CCDC102B: variants seen among roughly 807,000 people sequenced by gnomAD.
The protein encoded by CCDC102B is coiled-coil domain-containing protein 102B.
CCDC102B carries 75 observed loss-of-function variants against 57.4 expected under a neutral mutation model. The ratio of observed to expected loss-of-function variants is 1.31; its 90% CI spans 1.08 to 1.58. CCDC102B has a LOEUF of 1.58. CCDC102B is among the 40% of genes most tolerant of loss of function. CCDC102B has a pLI of 0.00. For missense variants in CCDC102B, 636 were observed against 582.6 expected (o/e 1.09, Z -0.94); for synonymous variants, 206 against 201.9 (o/e 1.02, Z -0.17).
intron 2 of CCDC102B, among the ~76,000 whole-genome samples, chr18:68,746,243 T>G (rs916941500): frequency 1.3e-5 from 2 of 152,212 alleles, no homozygotes; most frequent in African/African-American, 4.8e-5. Context: ...GCATAATTTC[T>G]GGGCACTTAG....
At chr18:69,033,010 A>AT (rs1324540171) in intron 7 of CCDC102B, among the ~76,000 whole-genome samples, 2 of 152,142 alleles carry the variant, frequency 1.3e-5, no homozygotes, top group Non-Finnish European at 2.9e-5. Flanking sequence ...TTCTTGTTAG[A>AT]TTTTTTAAGA....
chr18:68,786,094 C>T (rs981058602), intron 2 of CCDC102B, among the ~76,000 whole-genome samples: 1 of 149,544 alleles, frequency 6.7e-6, no homozygotes, highest in African/African-American at 2.5e-5. Flanking sequence ...GAATCCTTTC[C>T]CCATTGCTTG....
chr18:68,739,715 A>AT (rs2033302707), intron 2 of CCDC102B, among the ~76,000 whole-genome samples: 1 of 152,170 alleles, frequency 6.6e-6, no homozygotes, highest in Non-Finnish European at 1.5e-5. Flanking sequence ...GTATGTAGTT[A>AT]TTTTTTGCAG....
chr18:68,879,165 G>A (rs1047336478), intron 5 of CCDC102B, among the ~76,000 whole-genome samples: 7 of 151,866 alleles, frequency 4.6e-5, no homozygotes, highest in Non-Finnish European at 5.9e-5. Flanking sequence ...AGATCTTCGC[G>A]GCGAGTGTTA....
Position 68,847,890 on chromosome 18 carries a change from A to G in CCDC102B, c.936+1469A>G, listed in dbSNP as rs150231083. Among the ~76,000 whole-genome samples the G allele has an allele frequency of 7.8e-4, 118 of 151,874 alleles. 2 individuals are homozygous for G. In the East Asian group the frequency reaches 0.022, roughly 28 times the overall value. On this transcript the variant is annotated intron_variant, in intron 4 of 7. Coordinates refer to ENST00000360242, the MANE Select transcript of CCDC102B (RefSeq NM_024781.3). The stretch of plus-strand genomic sequence containing the variant: ...GAAAATTTATAAATATAAAGATGAA[A>G]CATTGTTTGAATTATTTATATGGAA...
chr18:69,040,802 T>TA (rs1315947656), intron 7 of CCDC102B, among the ~76,000 whole-genome samples: 2 of 152,038 alleles, frequency 1.3e-5, no homozygotes, highest in Non-Finnish European at 2.9e-5. Flanking sequence ...TTATTAAACT[T>TA]AAAAAATCTG....
intron 4 of CCDC102B, among the ~76,000 whole-genome samples, chr18:68,870,469 C>G (rs1159489080): frequency 6.6e-6 from 1 of 152,038 alleles, no homozygotes; most frequent in Admixed American, 6.6e-5. Flanking sequence ...GGGAAGAAAC[C>G]AAGAAAATTT....
chr18:68,848,545 T>C (rs2037977300), intron 4 of CCDC102B, among the ~76,000 whole-genome samples: 1 of 152,014 alleles, frequency 6.6e-6, no homozygotes, highest in Admixed American at 6.6e-5. Flanking sequence ...CTGACACATA[T>C]AGAGAAGAGA....
intron 1 of CCDC102B, among the ~76,000 whole-genome samples, chr18:68,798,608 T>A (rs2035722090): frequency 6.6e-6 from 1 of 152,168 alleles, no homozygotes; most frequent in Non-Finnish European, 1.5e-5. Flanking sequence ...TCCTCCTATC[T>A]ATGCCTCATG....
chr18:69,056,106 C>T (rs1476791660), downstream of CCDC102B, among the ~76,000 whole-genome samples: 1 of 151,856 alleles, frequency 6.6e-6, no homozygotes, highest in African/African-American at 2.4e-5. Context: ...ATAATGATGA[C>T]GAAGTTGAGA....
intron 2 of CCDC102B, among the ~76,000 whole-genome samples, chr18:68,774,040 A>G (rs1762142096): frequency 2.0e-5 from 3 of 152,006 alleles, no homozygotes; most frequent in African/African-American, 7.2e-5. Context: ...GCCATACAAG[A>G]AACACACACA....
intron 2 of CCDC102B, among the ~76,000 whole-genome samples, chr18:68,757,480 C>G (rs1456491989): frequency 6.6e-6 from 1 of 151,998 alleles, no homozygotes; most frequent in East Asian, 1.9e-4. Flanking sequence ...ACATAACAAA[C>G]TGGTCAACCA....
intron 2 of CCDC102B, among the ~76,000 whole-genome samples, chr18:68,760,942 G>C (rs1035452515): frequency 7.9e-5 from 12 of 151,954 alleles, no homozygotes; most frequent in African/African-American, 2.4e-4. Flanking sequence ...AAGATACAAT[G>C]TGCAGGCAAA....
chr18:68,871,466 G>A (rs2039236178), intron 4 of CCDC102B, among the ~76,000 whole-genome samples: 1 of 152,208 alleles, frequency 6.6e-6, no homozygotes, highest in Admixed American at 6.5e-5. Flanking sequence ...GAAGAGGCAA[G>A]TGACAAAATT....
intron 2 of CCDC102B, among the ~76,000 whole-genome samples, chr18:68,769,919 T>A (rs1167858836): frequency 2.0e-5 from 3 of 152,198 alleles, no homozygotes. Context: ...TGGTCATATT[T>A]GCATTGAATA....
intron 4 of CCDC102B, among the ~76,000 whole-genome samples, chr18:68,848,020 A>T (rs1233830139): frequency 1.3e-5 from 2 of 151,744 alleles, no homozygotes; most frequent in Non-Finnish European, 3.0e-5. Flanking sequence ...TTTTTATAAA[A>T]TAAGGTGAAA....
At chr18:68,869,862 T>C (rs1018677458) in intron 4 of CCDC102B, among the ~76,000 whole-genome samples, 9 of 152,162 alleles carry the variant, frequency 5.9e-5, no homozygotes, top group African/African-American at 2.2e-4. Flanking sequence ...TTAGGTTTTA[T>C]GTTTAAGTCT....
At chr18:68,727,337 T>C (rs1462556707) in intron 2 of CCDC102B, among the ~76,000 whole-genome samples, 1 of 152,194 alleles carries the variant, frequency 6.6e-6, no homozygotes, top group East Asian at 1.9e-4. Flanking sequence ...GTATATTTCT[T>C]TTAAAGACAG....
intron 6 of CCDC102B, among the ~76,000 whole-genome samples, chr18:68,934,133 T>C (rs542567650): frequency 6.6e-6 from 1 of 152,088 alleles, no homozygotes; most frequent in Non-Finnish European, 1.5e-5. Flanking sequence ...TCTGTACTTA[T>C]AGTAAACTAG....
Sources: gnomAD v4.1 joint callset for allele counts (sites outside exome capture counted in the v4.1 genomes callset) on GRCh38, gnomAD v4.1.1 for gene constraint, MANE v1.5 for transcripts, NCBI Gene and HGNC (gene_info 2026-07-23, HGNC 2026-07-21) for gene names.